Variants in MGAT4C observed in about 807,000 individuals in gnomAD.
MGAT4C encodes MGAT4 family member C, also known as alpha-1,3-mannosyl-glycoprotein 4-beta-N-acetylglucosaminyltransferase C.
In MGAT4C, 19 loss-of-function variants were observed where a neutral mutation model predicts 40.1. The observed-to-expected ratio is 0.47, with a 90% CI of 0.33 to 0.70. The LOEUF (loss-of-function observed/expected upper bound fraction) is 0.70. MGAT4C is among the 30% of genes least tolerant of loss of function. The pLI, the probability that MGAT4C is intolerant of heterozygous loss-of-function variation, is 0.02. For missense variants in MGAT4C, 491 were observed against 563.2 expected (o/e 0.87, Z 1.30); for synonymous variants, 181 against 187.1 (o/e 0.97, Z 0.27).
At chr12:86,518,768 T>C (rs1958741964) in intron 2 of MGAT4C, among the ~76,000 whole-genome samples, 1 of 152,056 alleles carries the variant, frequency 6.6e-6, no homozygotes, top group Non-Finnish European at 1.5e-5. Flanking sequence ...TAAAGTCACA[T>C]CTGGAAGCAA....
At chr12:86,134,399 C>T (rs1248793917) in intron 1 of MGAT4C, among the ~76,000 whole-genome samples, 1 of 151,962 alleles carries the variant, frequency 6.6e-6, no homozygotes, top group East Asian at 1.9e-4. Context: ...CACCCCAAAC[C>T]CATTATAAAA....
chr12:86,523,604 C>G (rs1390924301), intron 2 of MGAT4C, among the ~76,000 whole-genome samples: 1 of 152,060 alleles, frequency 6.6e-6, no homozygotes, highest in Non-Finnish European at 1.5e-5. Flanking sequence ...CAATCAGGTC[C>G]ATGTAAGATG....
At chr12:86,497,871 T>A (rs1056999624) in intron 2 of MGAT4C, among the ~76,000 whole-genome samples, 1 of 143,096 alleles carries the variant, frequency 7.0e-6, no homozygotes, top group African/African-American at 2.5e-5. Flanking sequence ...ACCAGATTGC[T>A]AATTTTCTCA....
upstream of MGAT4C, among the ~76,000 whole-genome samples, chr12:86,259,421 C>A (rs1326619489): frequency 6.6e-6 from 1 of 151,626 alleles, no homozygotes; most frequent in Non-Finnish European, 1.5e-5. Context: ...AGAAATACAA[C>A]CTGATTACAA....
chr12:86,252,111 G>A lies in MGAT4C; in HGVS notation c.-57+4128C>T, dbSNP rs1952311988. 2.0e-5 allele frequency among the ~76,000 whole-genome samples: 3 copies of A among 151,996 alleles called. No homozygotes were observed. The South Asian group carries it at 6.2e-4, about 31-fold the overall frequency. ...TTCTCTGTCTCTAACTCTGAAAGAAGTGGAAAAGTCTTCATAATTTATTAA... is the reference window on the plus strand; with the variant it reads ...TTCTCTGTCTCTAACTCTGAAAGAAATGGAAAAGTCTTCATAATTTATTAA... On this transcript the variant is annotated intron_variant, in intron 1 of 4. Coordinates refer to ENST00000611864, the MANE Select transcript of MGAT4C (RefSeq NM_001351288.2).
intron 2 of MGAT4C, among the ~76,000 whole-genome samples, chr12:86,004,225 T>C (rs1057056537): frequency 2.0e-5 from 3 of 152,198 alleles, no homozygotes; most frequent in Non-Finnish European, 2.9e-5. Flanking sequence ...AAAGATACTT[T>C]AACTTTCCCT....
At chr12:86,415,751 G>A (rs1956697844) in intron 3 of MGAT4C, among the ~76,000 whole-genome samples, 1 of 151,948 alleles carries the variant, frequency 6.6e-6, no homozygotes, top group Non-Finnish European at 1.5e-5. Flanking sequence ...CTCTAAGAAA[G>A]AACATTTGGA....
intron 1 of MGAT4C, among the ~76,000 whole-genome samples, chr12:86,179,760 A>C (rs1438584116): frequency 6.6e-6 from 1 of 152,208 alleles, no homozygotes; most frequent in African/African-American, 2.4e-5. Flanking sequence ...CAAAGCCTTC[A>C]AAAGTGACTT....
chr12:86,775,494 C>A (rs1439247150), intron 1 of MGAT4C, among the ~76,000 whole-genome samples: 1 of 151,090 alleles, frequency 6.6e-6, no homozygotes, highest in Non-Finnish European at 1.5e-5. Context: ...AACACAGATG[C>A]ACAAAGGCAT....
At chr12:86,490,092 G>A (rs1332051303) in intron 2 of MGAT4C, among the ~76,000 whole-genome samples, 35 of 152,084 alleles carry the variant, frequency 2.3e-4, no homozygotes, top group East Asian at 1.9e-3. Flanking sequence ...GATACTCCTC[G>A]AGAAGAGCAA....
At chr12:86,163,201 C>T (rs1885797902) in intron 1 of MGAT4C, among the ~76,000 whole-genome samples, 2 of 151,796 alleles carry the variant, frequency 1.3e-5, no homozygotes, top group Admixed American at 1.3e-4. Flanking sequence ...AAATCATCCT[C>T]CCCCCCTTTT....
chr12:86,498,575 T>G (rs527918747), intron 2 of MGAT4C, among the ~76,000 whole-genome samples: 1 of 151,980 alleles, frequency 6.6e-6, no homozygotes, highest in Non-Finnish European at 1.5e-5. Flanking sequence ...GGCTGCCATT[T>G]GCAATCAAGA....
intron 3 of MGAT4C, among the ~76,000 whole-genome samples, chr12:86,359,383 T>C (rs1282356135): frequency 6.6e-6 from 1 of 152,024 alleles, no homozygotes; most frequent in African/African-American, 2.4e-5. Flanking sequence ...AGGAAAGATC[T>C]AAAATTGACA....
chr12:86,420,393 T>A (rs1026557504), intron 3 of MGAT4C, among the ~76,000 whole-genome samples: 13 of 151,308 alleles, frequency 8.6e-5, no homozygotes, highest in African/African-American at 2.9e-4. Flanking sequence ...AAAAGAAAAT[T>A]AAAAAAAAAT....
At chr12:86,389,674 G>C (rs371344791) in intron 3 of MGAT4C, among the ~76,000 whole-genome samples, 2 of 152,106 alleles carry the variant, frequency 1.3e-5, no homozygotes, top group African/African-American at 4.8e-5. Context: ...ACCAGAACTT[G>C]TAAATTATAA....
intron 4 of MGAT4C, among the ~76,000 whole-genome samples, chr12:86,315,983 A>G (rs967247650): frequency 2.7e-5 from 4 of 150,032 alleles, no homozygotes; most frequent in Admixed American, 6.6e-5. Flanking sequence ...ATCTATGAGT[A>G]AGTTAAACAA....
chr12:86,815,842 T>TG (rs1311587853), intron 1 of MGAT4C, among the ~76,000 whole-genome samples: 2 of 118,090 alleles, frequency 1.7e-5, no homozygotes, highest in Non-Finnish European at 3.4e-5. Flanking sequence ...ACAATGGACT[T>TG]GGGGGGAAGA....
chr12:86,099,019 T>C (rs1874445231), intron 1 of MGAT4C, among the ~76,000 whole-genome samples: 1 of 151,526 alleles, frequency 6.6e-6, no homozygotes, highest in African/African-American at 2.4e-5. Context: ...TTTATAGAAA[T>C]TCTACCTTTT....
chr12:86,690,385 T>C (rs1950152759), intron 2 of MGAT4C, among the ~76,000 whole-genome samples: 2 of 152,142 alleles, frequency 1.3e-5, no homozygotes, highest in Non-Finnish European at 2.9e-5. Context: ...TGCAGCTAGC[T>C]GGATGTCTGA....
Sources: allele counts gnomAD v4.1 joint callset (sites outside exome capture counted in the v4.1 genomes callset), GRCh38; gene constraint gnomAD v4.1.1; transcripts MANE v1.5; gene names NCBI Gene and HGNC (gene_info 2026-07-23, HGNC 2026-07-21).